The following AFG2A variants were observed in gnomAD, a reference collection of about 807,000 sequenced individuals.
AFG2A encodes the protein ATPase family gene 2 protein homolog A.
chr4:123,016,406 A>T, the AFG2A span, among the ~76,000 whole-genome samples: 3 of 147,950 alleles, frequency 2.0e-5, no homozygotes, highest in Non-Finnish European at 4.5e-5. Flanking sequence ...CTTCTCAGAC[A>T]GGGCGGCTGG....
chr4:123,053,027 C>G, the AFG2A span, among the ~76,000 whole-genome samples: 1 of 152,186 alleles, frequency 6.6e-6, no homozygotes, highest in Non-Finnish European at 1.5e-5. Context: ...CTTATTTCAT[C>G]TTCTTCCACC....
the AFG2A span, among the ~76,000 whole-genome samples, chr4:123,272,891 T>A: frequency 6.6e-6 from 1 of 152,096 alleles, no homozygotes; most frequent in Non-Finnish European, 1.5e-5. Flanking sequence ...GGAAGAGACT[T>A]GAACATGTTT....
the AFG2A span, among the ~76,000 whole-genome samples, chr4:123,305,551 A>G: frequency 6.6e-6 from 1 of 152,222 alleles, no homozygotes; most frequent in Non-Finnish European, 1.5e-5. Context: ...CCCTAGTACT[A>G]CTGTGAAACT....
the AFG2A span, among the ~76,000 whole-genome samples, chr4:122,965,258 A>G: frequency 6.6e-6 from 1 of 152,240 alleles, no homozygotes; most frequent in Admixed American, 6.5e-5. Flanking sequence ...TCTCAAAAAT[A>G]ACATATAACT....
chr4:122,963,963 G>C, the AFG2A span, among the ~76,000 whole-genome samples: 6 of 151,894 alleles, frequency 4.0e-5, no homozygotes, highest in Non-Finnish European at 5.9e-5. Flanking sequence ...TCTCTTACCT[G>C]GGCCCTGACT....
the AFG2A span, among the ~76,000 whole-genome samples, chr4:123,214,757 T>A: frequency 2.6e-5 from 4 of 152,010 alleles, no homozygotes; most frequent in South Asian, 8.3e-4. Context: ...ATGAAGACCT[T>A]TATGATCTGC....
chr4:123,156,197 T>G, the AFG2A span, among the ~76,000 whole-genome samples: 1 of 152,202 alleles, frequency 6.6e-6, no homozygotes, highest in Non-Finnish European at 1.5e-5. Flanking sequence ...CAAGTTTATC[T>G]CTTCATCATA....
chr4:123,231,425 C>G, the AFG2A span, among the ~76,000 whole-genome samples: 1 of 151,992 alleles, frequency 6.6e-6, no homozygotes, highest in Non-Finnish European at 1.5e-5. Context: ...TCAGCCTTCA[C>G]AGAATTGAAG....
the AFG2A span, among the ~76,000 whole-genome samples, chr4:122,941,641 A>G: frequency 1.3e-5 from 2 of 151,928 alleles, no homozygotes; most frequent in East Asian, 3.9e-4. Flanking sequence ...CTCCTGCCTG[A>G]TTGCCCTGGC....
the AFG2A span, among the ~76,000 whole-genome samples, chr4:123,211,444 G>A: frequency 4.6e-5 from 7 of 152,176 alleles, no homozygotes; most frequent in African/African-American, 9.6e-5. Context: ...AATCAGTATC[G>A]GAGAGCACAG....
At chr4:123,201,723 A>G in the AFG2A span, among the ~76,000 whole-genome samples, 1 of 152,192 alleles carries the variant, frequency 6.6e-6, no homozygotes. Context: ...GTTCAATACC[A>G]GCCTGGGCAA....
the AFG2A span, among the ~76,000 whole-genome samples, chr4:123,123,907 G>A: frequency 0.46 from 64,237 of 138,492 alleles, 17,848 homozygotes; most frequent in Non-Finnish European, 0.61. Context: ...AGTCGAGATC[G>A]CGCCACTGCA....
the AFG2A span, among the ~76,000 whole-genome samples, chr4:123,185,197 CTTTA>C: frequency 0.5 from 75,389 of 151,368 alleles, 23,208 homozygotes; most frequent in Non-Finnish European, 0.67. Flanking sequence ...AATAGTTAAC[CTTTA>C]TTTAGCTACT....
At chr4:123,095,030 C>CAAAAAAAA in the AFG2A span, among the ~76,000 whole-genome samples, 13 of 35,304 alleles carry the variant, frequency 3.7e-4, no homozygotes, top group East Asian at 1.9e-3. Context: ...TCCCTCCCCA[C>CAAAAAAAA]AAAAAAAAAA....
chr4:123,017,413 AATTTTTTTTTT>A, the AFG2A span, among the ~76,000 whole-genome samples: 1 of 88,048 alleles, frequency 1.1e-5, no homozygotes, highest in African/African-American at 4.4e-5. Context: ...CAGCATGGGA[AATTTTTTTTTT>A]TTTTTTTTTT....
the AFG2A span, among the ~76,000 whole-genome samples, chr4:123,024,099 G>C: frequency 6.6e-6 from 1 of 152,066 alleles, no homozygotes; most frequent in African/African-American, 2.4e-5. Context: ...ATTTAAGTTA[G>C]AGGAGGATGA....
At chr4:123,057,328 T>C in the AFG2A span, 6 of 1,541,510 alleles carry the variant, frequency 3.9e-6, no homozygotes, top group Non-Finnish European at 4.5e-6. Context: ...CATAATAATA[T>C]GATGTTACAT....
At chr4:122,952,474 T>C in the AFG2A span, among the ~76,000 whole-genome samples, 1 of 151,908 alleles carries the variant, frequency 6.6e-6, no homozygotes, top group Non-Finnish European at 1.5e-5. Flanking sequence ...ACCCTAGGAG[T>C]CCTAAGAAGA....
At chr4:123,004,324 G>C in the AFG2A span, among the ~76,000 whole-genome samples, 3 of 152,168 alleles carry the variant, frequency 2.0e-5, no homozygotes, top group Admixed American at 2.0e-4. Context: ...ACTGTCCTGC[G>C]CCCACTGTCT....
Sources: gnomAD v4.1 joint callset for allele counts (sites outside exome capture counted in the v4.1 genomes callset) on GRCh38, gnomAD v4.1.1 for gene constraint, MANE v1.5 for transcripts, NCBI Gene and HGNC (gene_info 2026-07-23, HGNC 2026-07-21) for gene names.